Variants in HYAL4 observed in about 807,000 individuals in gnomAD.
The protein encoded by HYAL4 is hyaluronidase-4.
HYAL4 carries 37 observed loss-of-function variants against 35.2 expected under a neutral mutation model. That is an observed-to-expected ratio of 1.05 (90% CI 0.81 to 1.38). The LOEUF is 1.38. Among genes scored for constraint, HYAL4 ranks in the 40% most tolerant of loss-of-function variants. The pLI, the probability that HYAL4 is intolerant of heterozygous loss-of-function variation, is 0.00. For synonymous variants in HYAL4, 198 were observed against 203.2 expected, an observed-to-expected ratio of 0.97 and a Z score of 0.22; for missense variants, 572 against 572.4, an observed-to-expected ratio of 1.00 and a Z score of 0.01.
the HYAL4 span, among the ~76,000 whole-genome samples, chr7:123,771,894 G>GCATCA: frequency 6.6e-6 from 1 of 151,780 alleles, no homozygotes; most frequent in Non-Finnish European, 1.5e-5. Context: ...AAGATGGAGG[G>GCATCA]CATCATATAA....
chr7:123,872,908 T>A (rs778849968), intron 3 of HYAL4, among the ~76,000 whole-genome samples: 1 of 152,234 alleles, frequency 6.6e-6, no homozygotes, highest in African/African-American at 2.4e-5. Context: ...CAGAAACATC[T>A]GACGCTTACA....
chr7:123,850,155 T>G (rs1419194681), intron 2 of HYAL4, among the ~76,000 whole-genome samples: 3 of 152,208 alleles, frequency 2.0e-5, no homozygotes, highest in Non-Finnish European at 2.9e-5. Context: ...GAAAGCTTAG[T>G]CACACGATTT....
chr7:123,797,822 G>A, the HYAL4 span, among the ~76,000 whole-genome samples: 1 of 152,086 alleles, frequency 6.6e-6, no homozygotes, highest in Non-Finnish European at 1.5e-5. Flanking sequence ...AATTTGCAAA[G>A]TCATGCACTT....
intron 1 of HYAL4, among the ~76,000 whole-genome samples, chr7:123,833,828 T>C (rs1434012555): frequency 6.6e-6 from 1 of 152,192 alleles, no homozygotes; most frequent in Non-Finnish European, 1.5e-5. Flanking sequence ...CCAGCATCAT[T>C]TGTTGAAAAG....
chr7:123,830,798 ATTTGCTTTCAATTTTT>A (rs1805868520), intron 1 of HYAL4, among the ~76,000 whole-genome samples: 1 of 152,030 alleles, frequency 6.6e-6, no homozygotes, highest in South Asian at 2.1e-4. Flanking sequence ...TCTCAAGATA[ATTTGCTTTCAATTTTT>A]TTTTCAAATA....
chr7:123,799,890 G>A, the HYAL4 span, among the ~76,000 whole-genome samples: 2 of 152,032 alleles, frequency 1.3e-5, no homozygotes, highest in East Asian at 3.9e-4. Flanking sequence ...CCTGGACTTG[G>A]TAGCTCACGC....
chr7:123,847,911 T>C lies in HYAL4; in HGVS notation c.-121-178T>C, dbSNP rs376061332. Among the ~76,000 whole-genome samples the C allele has an allele frequency of 2.2e-3, 340 of 152,356 alleles. 2 individuals carry two copies. The highest frequency in any genetic ancestry group is 0.014 in the Middle Eastern group (4 of 294). ...CCAGCTAAAGAGTCAAAGTTTTCTT[T>C]CTTCCATCTTAAGTTAGTGAATTTA... On this transcript the variant is annotated intron_variant, in intron 1 of 4. Transcript: ENST00000223026.
At chr7:123,783,416 T>G in the HYAL4 span, among the ~76,000 whole-genome samples, 2 of 152,268 alleles carry the variant, frequency 1.3e-5, no homozygotes, top group African/African-American at 4.8e-5. Flanking sequence ...GGAACACACA[T>G]GATTGTATTA....
intron 1 of HYAL4, among the ~76,000 whole-genome samples, chr7:123,837,044 A>G (rs558465168): frequency 1.8e-3 from 276 of 152,250 alleles, no homozygotes; most frequent in Middle Eastern, 0.01. Context: ...AAACAAAAAA[A>G]AAAGAAAGAA....
upstream of HYAL4, among the ~76,000 whole-genome samples, chr7:123,840,170 A>G (rs902011791): frequency 2.0e-5 from 3 of 152,192 alleles, no homozygotes; most frequent in Non-Finnish European, 4.4e-5. Context: ...TGTATAAGGT[A>G]TAAGGAAGGG....
chr7:123,866,589 G>A (rs986322615), intron 2 of HYAL4, among the ~76,000 whole-genome samples: 2 of 152,054 alleles, frequency 1.3e-5, no homozygotes, highest in South Asian at 4.1e-4. Flanking sequence ...TAGGCATCAG[G>A]CATAACCACA....
At chr7:123,849,334 T>A (rs1216089837) in intron 2 of HYAL4, among the ~76,000 whole-genome samples, 1 of 151,986 alleles carries the variant, frequency 6.6e-6, no homozygotes, top group Non-Finnish European at 1.5e-5. Context: ...ACAGGGTCTC[T>A]CTGTCACCCA....
At chr7:123,819,937 C>G in the HYAL4 span, among the ~76,000 whole-genome samples, 2 of 147,468 alleles carry the variant, frequency 1.4e-5, no homozygotes, top group African/African-American at 5.0e-5. Flanking sequence ...TGTCACCAGA[C>G]TGGAGTGCAG....
At chr7:123,815,993 A>T in the HYAL4 span, among the ~76,000 whole-genome samples, 1 of 152,336 alleles carries the variant, frequency 6.6e-6, no homozygotes, top group Middle Eastern at 3.4e-3. Context: ...TGGGCTATTC[A>T]TTCAATAAGT....
chr7:123,832,752 C>T (rs930788455), intron 1 of HYAL4, among the ~76,000 whole-genome samples: 4 of 151,834 alleles, frequency 2.6e-5, no homozygotes, highest in Non-Finnish European at 5.9e-5. Flanking sequence ...CTGCTTGCTT[C>T]GGCCCCCCAG....
At chr7:123,840,894 C>A (rs963228036), upstream of HYAL4, among the ~76,000 whole-genome samples, 1 of 151,918 alleles carries the variant, frequency 6.6e-6, no homozygotes, top group Admixed American at 6.6e-5. Context: ...TGGGCTGAGA[C>A]GATGGGGTTT....
the HYAL4 span, among the ~76,000 whole-genome samples, chr7:123,789,326 C>G: frequency 6.6e-6 from 1 of 152,128 alleles, no homozygotes; most frequent in Non-Finnish European, 1.5e-5. Context: ...TTAGAAGGGT[C>G]AGCTTAGAAG....
chr7:123,875,738 A>C (rs558049005), intron 4 of HYAL4, among the ~76,000 whole-genome samples: 166 of 152,016 alleles, frequency 1.1e-3, no homozygotes, highest in African/African-American at 3.7e-3. Context: ...TACTCCAGGA[A>C]AGATTCCTAG....
chr7:123,831,408 A>G (rs531659960), intron 1 of HYAL4, among the ~76,000 whole-genome samples: 43 of 152,238 alleles, frequency 2.8e-4, no homozygotes, highest in African/African-American at 1.0e-3. Context: ...AGACACCACC[A>G]TATTTTGATA....
Sources: gnomAD v4.1 joint callset for allele counts (sites outside exome capture counted in the v4.1 genomes callset) on GRCh38, gnomAD v4.1.1 for gene constraint, MANE v1.5 for transcripts, NCBI Gene and HGNC (gene_info 2026-07-23, HGNC 2026-07-21) for gene names.